Variants in MGLL observed in about 807,000 individuals in gnomAD.
MGLL encodes the protein monoglyceride lipase.
In MGLL, 7 loss-of-function variants were observed where a neutral mutation model predicts 29.1. The observed-to-expected ratio is 0.24, with a 90% confidence interval of 0.14 to 0.45. The LOEUF (loss-of-function observed/expected upper bound fraction) is 0.45. Among genes scored for constraint, MGLL ranks in the 20% least tolerant of loss-of-function variants. The pLI, the probability that MGLL is intolerant of heterozygous loss-of-function variation, is 0.99. For synonymous variants in MGLL, 148 were observed against 168.3 expected (o/e 0.88, Z 0.93); for missense variants, 356 against 413.6 (o/e 0.86, Z 1.21).
intron 3 of MGLL, among the ~76,000 whole-genome samples, chr3:127,759,365 C>T (rs2076721756): frequency 1.3e-5 from 2 of 152,176 alleles, no homozygotes; most frequent in Non-Finnish European, 2.9e-5. Flanking sequence ...CCAACCTCTG[C>T]GGGACTGTCC....
intron 3 of MGLL, among the ~76,000 whole-genome samples, chr3:127,778,425 A>G (rs1327808528): frequency 6.6e-6 from 1 of 152,244 alleles, no homozygotes; most frequent in East Asian, 1.9e-4. Context: ...CACAGCAGCC[A>G]GTCTACATTG....
intron 3 of MGLL, among the ~76,000 whole-genome samples, chr3:127,771,848 G>A (rs2076953987): frequency 6.6e-6 from 1 of 152,144 alleles, no homozygotes; most frequent in Non-Finnish European, 1.5e-5. Flanking sequence ...GAGAACACCA[G>A]GGGCAGCATG....
intron 2 of MGLL, among the ~76,000 whole-genome samples, chr3:127,816,234 G>A (rs1235107586): frequency 6.6e-6 from 1 of 152,196 alleles, no homozygotes; most frequent in African/African-American, 2.4e-5. Flanking sequence ...TGGGGAGATG[G>A]AAATTCACAC....
intron 2 of MGLL, among the ~76,000 whole-genome samples, chr3:127,794,749 A>G (rs1326235695): frequency 6.6e-6 from 1 of 152,130 alleles, no homozygotes; most frequent in African/African-American, 2.4e-5. Flanking sequence ...CTGATGTAAG[A>G]CTGTCTTTTA....
chr3:127,777,293 G>A (rs764007499), intron 3 of MGLL, among the ~76,000 whole-genome samples: 4 of 152,210 alleles, frequency 2.6e-5, no homozygotes, highest in South Asian at 2.1e-4. Context: ...AGAAACAATC[G>A]GGGAAATGCT....
rs191326557 is a variant in MGLL, at chr3:127,734,010, C to T, written c.263-11444G>A. Among the ~76,000 whole-genome samples the T allele has an allele frequency of 1.8e-3, 279 of 152,338 alleles. 1 individual carries two copies. The highest frequency in any genetic ancestry group is 6.2e-3 in the African/African-American group (258 of 41,594). ...TTGTGGCCCTGCAGAGGAAAGTGGGCGTTCCTTGCAGAGCAGGAGGCCCAG... is the reference window on the plus strand; with the variant it reads ...TTGTGGCCCTGCAGAGGAAAGTGGGTGTTCCTTGCAGAGCAGGAGGCCCAG... On this transcript the variant is annotated intron_variant, in intron 3 of 7. Coordinates refer to ENST00000265052, the MANE Select transcript of MGLL (RefSeq NM_007283.7).
intron 3 of MGLL, among the ~76,000 whole-genome samples, chr3:127,765,268 G>A (rs886455877): frequency 6.6e-6 from 1 of 152,180 alleles, no homozygotes; most frequent in Non-Finnish European, 1.5e-5. Context: ...TTCTTCTGGG[G>A]ACCTAGAGTG....
intron 2 of MGLL, among the ~76,000 whole-genome samples, chr3:127,793,798 G>A (rs1157887786): frequency 1.3e-5 from 2 of 152,138 alleles, no homozygotes; most frequent in Non-Finnish European, 2.9e-5. Flanking sequence ...CTGACCTCAG[G>A]TGACCCACCT....
At chr3:127,704,569 TA>T (rs1375917422) in intron 6 of MGLL, among the ~76,000 whole-genome samples, 1 of 151,972 alleles carries the variant, frequency 6.6e-6, no homozygotes, top group Non-Finnish European at 1.5e-5. Context: ...ACCCCATCAA[TA>T]ATGGGCAAAG....
intron 3 of MGLL, among the ~76,000 whole-genome samples, chr3:127,728,467 G>T (rs779617511): frequency 1.3e-5 from 2 of 152,074 alleles, no homozygotes; most frequent in Admixed American, 1.3e-4. Flanking sequence ...AAACAGTCTT[G>T]TCTATTTCTG....
At chr3:127,764,057 T>C (rs1469240574) in intron 3 of MGLL, among the ~76,000 whole-genome samples, 1 of 152,138 alleles carries the variant, frequency 6.6e-6, no homozygotes, top group Non-Finnish European at 1.5e-5. Context: ...AAATCCCCAA[T>C]GCCCATCACA....
At chr3:127,708,868 T>G (rs2075655781) in intron 6 of MGLL, among the ~76,000 whole-genome samples, 1 of 152,248 alleles carries the variant, frequency 6.6e-6, no homozygotes, top group African/African-American at 2.4e-5. Flanking sequence ...ATGGGCTGCG[T>G]GGACCAGCAA....
chr3:127,716,664 G>C (rs2075821400), intron 5 of MGLL, among the ~76,000 whole-genome samples: 1 of 152,238 alleles, frequency 6.6e-6, no homozygotes. Context: ...GGCTCCCTGT[G>C]ATCATTTCTA....
intron 3 of MGLL, among the ~76,000 whole-genome samples, chr3:127,723,694 G>A (rs573769853): frequency 1.3e-4 from 20 of 152,152 alleles, no homozygotes; most frequent in African/African-American, 3.9e-4. Flanking sequence ...TATCATATCC[G>A]TAACATAAAT....
intron 6 of MGLL, among the ~76,000 whole-genome samples, chr3:127,696,144 T>G (rs934668405): frequency 9.9e-5 from 15 of 152,088 alleles, no homozygotes; most frequent in African/African-American, 3.6e-4. Context: ...AGGCCAACTC[T>G]CCCCCTCTAC....
chr3:127,771,934 G>A (rs1336714952), intron 3 of MGLL, among the ~76,000 whole-genome samples: 1 of 152,148 alleles, frequency 6.6e-6, no homozygotes, highest in Non-Finnish European at 1.5e-5. Context: ...GACTCCTCCT[G>A]GCCTCCATGA....
At chr3:127,748,039 T>A (rs1372123493) in intron 3 of MGLL, among the ~76,000 whole-genome samples, 1 of 152,140 alleles carries the variant, frequency 6.6e-6, no homozygotes, top group Non-Finnish European at 1.5e-5. Context: ...CCACAGCGTC[T>A]GGTATTAAGT....
At chr3:127,762,977 C>T (rs2107684157) in intron 3 of MGLL, among the ~76,000 whole-genome samples, 1 of 152,310 alleles carries the variant, frequency 6.6e-6, no homozygotes, top group Non-Finnish European at 1.5e-5. Context: ...CTGCCTTCCC[C>T]CCATGGCAGC....
intron 2 of MGLL, 146 bp from the exon 3 acceptor site, chr3:127,782,041 TG>T (rs2077136901): frequency 1.4e-6 from 1 of 735,650 alleles, no homozygotes; most frequent in Non-Finnish European, 2.4e-6. Context: ...ACCAACATAG[TG>T]AAACCCCACC....
Sources: gnomAD v4.1 joint callset for allele counts (sites outside exome capture counted in the v4.1 genomes callset) on GRCh38, gnomAD v4.1.1 for gene constraint, MANE v1.5 for transcripts, NCBI Gene and HGNC (gene_info 2026-07-23, HGNC 2026-07-21) for gene names.